SLC10A7: variants seen among roughly 807,000 people sequenced by gnomAD.
SLC10A7 encodes solute carrier family 10 member 7, also known as sodium/bile acid cotransporter 7.
SLC10A7 carries 29 observed loss-of-function variants against 43.2 expected under a neutral mutation model. The observed-to-expected ratio is 0.67, with a 90% confidence interval of 0.50 to 0.92. The LOEUF is 0.92. Among genes scored for constraint, SLC10A7 ranks in the 40% least tolerant of loss-of-function variants. SLC10A7 has a pLI of 0.00. For synonymous variants in SLC10A7, 152 were observed against 144.8 expected, an observed-to-expected ratio of 1.05 and a Z score of -0.35; for missense variants, 295 against 403.2, an observed-to-expected ratio of 0.73 and a Z score of 2.30.
intron 5 of SLC10A7, among the ~76,000 whole-genome samples, chr4:146,376,485 C>G (rs1737209576): frequency 6.6e-6 from 1 of 152,066 alleles, no homozygotes; most frequent in Non-Finnish European, 1.5e-5. Context: ...ACCCCACTGG[C>G]ACAGGAGCAG....
chr4:146,403,944 T>C (rs1439367994), intron 5 of SLC10A7, among the ~76,000 whole-genome samples: 1 of 152,204 alleles, frequency 6.6e-6, no homozygotes, highest in Non-Finnish European at 1.5e-5. Flanking sequence ...TTGCTATTGT[T>C]ATTCTAAATG....
At position 146,362,210 on chromosome 4, in the gene SLC10A7, A is replaced by G. The variant is rs181069392; in HGVS notation, c.436-36214T>C. Among the ~76,000 whole-genome samples the G allele has an allele frequency of 1.1e-3, 162 of 152,234 alleles. 1 individual carries two copies. The highest frequency in any genetic ancestry group is 1.7e-3 in the Non-Finnish European group (115 of 67,996). Reference sequence around the variant, plus strand: ...AGAAATAATAATAAAGAACTTTCCAATTCTAGAGAGAAATATTAATATCCA... The same window carrying G: ...AGAAATAATAATAAAGAACTTTCCAGTTCTAGAGAGAAATATTAATATCCA... On this transcript the variant is annotated intron_variant, in intron 5 of 11. Transcript: ENST00000335472.
intron 4 of SLC10A7, among the ~76,000 whole-genome samples, chr4:146,490,550 C>T (rs1012367287): frequency 6.6e-6 from 1 of 152,140 alleles, no homozygotes; most frequent in African/African-American, 2.4e-5. Context: ...AGAAGGTGTA[C>T]CATTTTCAAA....
chr4:146,258,628 T>A, intron 11 of SLC10A7, 64 bp downstream of exon 11: 1 of 1,503,556 alleles, frequency 6.7e-7, no homozygotes, highest in South Asian at 1.3e-5. Context: ...GTATGAACAG[T>A]TCAGATTCAG....
rs1219066408 is a variant in SLC10A7 at position 146,254,360 on chromosome 4, A to G, written c.*2131T>C. Reference sequence around the variant, plus strand: ...ACAGATAGCTTTACAGTGTATAAACATAACAAAATATTTTAAGCTCTGAAT... The same window carrying G: ...ACAGATAGCTTTACAGTGTATAAACGTAACAAAATATTTTAAGCTCTGAAT... On this transcript the variant is annotated 3_prime_UTR_variant, in exon 12 of 12. Transcript: ENST00000335472. The G allele has an allele frequency of 1.3e-5, 2 of 152,208 alleles. No homozygotes were observed. The highest frequency in any genetic ancestry group is 6.5e-5 in the Admixed American group (1 of 15,268). 9.4% of individuals were successfully genotyped at this position (152,208 alleles called of 1,614,324 possible).
chr4:146,398,490 C>G (rs533317256), intron 5 of SLC10A7, among the ~76,000 whole-genome samples: 25 of 152,152 alleles, frequency 1.6e-4, no homozygotes, highest in Non-Finnish European at 2.8e-4. Context: ...TATATTCCAT[C>G]AACTTCTTAC....
chr4:146,344,688 C>T (rs1219156053), intron 5 of SLC10A7, among the ~76,000 whole-genome samples: 1 of 151,942 alleles, frequency 6.6e-6, no homozygotes, highest in African/African-American at 2.4e-5. Flanking sequence ...GGCTACATGA[C>T]ATGTGATATC....
At chr4:146,473,343 A>G (rs939411235) in intron 4 of SLC10A7, among the ~76,000 whole-genome samples, 11 of 152,158 alleles carry the variant, frequency 7.2e-5, no homozygotes, top group African/African-American at 2.7e-4. Flanking sequence ...TGTATGACAT[A>G]TATGTTTTAT....
At chr4:146,458,943 T>C (rs1321107482) in intron 4 of SLC10A7, among the ~76,000 whole-genome samples, 1 of 151,798 alleles carries the variant, frequency 6.6e-6, no homozygotes, top group Non-Finnish European at 1.5e-5. Flanking sequence ...CTGCCTTTAT[T>C]CACAAATTAC....
At chr4:146,368,708 A>G (rs1425100586) in intron 5 of SLC10A7, among the ~76,000 whole-genome samples, 2 of 152,198 alleles carry the variant, frequency 1.3e-5, no homozygotes, top group African/African-American at 4.8e-5. Flanking sequence ...TATCAAGTGT[A>G]TATTCAATTT....
At chr4:146,429,452 ATAGAG>A (rs1231770930) in intron 5 of SLC10A7, among the ~76,000 whole-genome samples, 1 of 152,220 alleles carries the variant, frequency 6.6e-6, no homozygotes, top group Non-Finnish European at 1.5e-5. Flanking sequence ...TTGAAGATAG[ATAGAG>A]TAGTGAAACA....
At chr4:146,356,311 T>G (rs1159840584) in intron 5 of SLC10A7, among the ~76,000 whole-genome samples, 1 of 152,144 alleles carries the variant, frequency 6.6e-6, no homozygotes, top group Non-Finnish European at 1.5e-5. Flanking sequence ...GTGTTTTACA[T>G]AATCACTTAA....
intron 6 of SLC10A7, among the ~76,000 whole-genome samples, chr4:146,324,734 G>A (rs904791709): frequency 6.6e-6 from 1 of 152,122 alleles, no homozygotes; most frequent in South Asian, 2.1e-4. Context: ...ACATCTAGTA[G>A]CAGGTAGTTA....
intron 5 of SLC10A7, among the ~76,000 whole-genome samples, chr4:146,377,206 C>A (rs1350291461): frequency 1.3e-5 from 2 of 152,098 alleles, no homozygotes; most frequent in African/African-American, 2.4e-5. Context: ...GGAGGAAAGT[C>A]TTTGAAGAGG....
chr4:146,519,358 G>A, intron 1 of SLC10A7, among the ~76,000 whole-genome samples: 1 of 145,692 alleles, frequency 6.9e-6, no homozygotes, highest in African/African-American at 2.5e-5. Flanking sequence ...TATATAGAGA[G>A]AGATGACCTA....
chr4:146,453,623 C>T (rs976928754), intron 4 of SLC10A7, among the ~76,000 whole-genome samples: 3 of 151,926 alleles, frequency 2.0e-5, no homozygotes, highest in African/African-American at 7.2e-5. Context: ...GATGGAATAA[C>T]CTACATTGTG....
At chr4:146,397,362 TCAAA>T (rs2149812085) in intron 5 of SLC10A7, among the ~76,000 whole-genome samples, 1 of 152,240 alleles carries the variant, frequency 6.6e-6, no homozygotes, top group East Asian at 1.9e-4. Flanking sequence ...ACTTAACAAC[TCAAA>T]CAACACCAAA....
chr4:146,452,038 T>C (rs1445250458), intron 4 of SLC10A7, among the ~76,000 whole-genome samples: 1 of 152,106 alleles, frequency 6.6e-6, no homozygotes, highest in East Asian at 1.9e-4. Context: ...ACTTTTAGTC[T>C]AATTTTCTGG....
intron 4 of SLC10A7, among the ~76,000 whole-genome samples, chr4:146,493,264 G>C (rs769689509): frequency 6.6e-6 from 1 of 152,170 alleles, no homozygotes; most frequent in Non-Finnish European, 1.5e-5. Context: ...GTTTAGACTA[G>C]TGCCTCTCTA....
Sources: allele counts gnomAD v4.1 joint callset (sites outside exome capture counted in the v4.1 genomes callset), GRCh38; gene constraint gnomAD v4.1.1; transcripts MANE v1.5; gene names NCBI Gene and HGNC (gene_info 2026-07-23, HGNC 2026-07-21).